ENPEP: variants seen among roughly 807,000 people sequenced by gnomAD.
ENPEP encodes glutamyl aminopeptidase.
In ENPEP, 103 loss-of-function variants were observed where a neutral mutation model predicts 114.5. The observed-to-expected ratio is 0.90, with a 90% CI of 0.77 to 1.06. ENPEP has a LOEUF of 1.06. Ranked by LOEUF, ENPEP falls within the 50% of genes least tolerant of loss-of-function variation. The pLI is 0.00. For synonymous variants in ENPEP, 420 were observed against 422.0 expected (o/e 1.00, Z 0.06); for missense variants, 1,196 against 1,161.3 (o/e 1.03, Z -0.43).
chr4:110,504,156 T>G (rs955400122), intron 3 of ENPEP, among the ~76,000 whole-genome samples: 2 of 152,084 alleles, frequency 1.3e-5, no homozygotes, highest in Non-Finnish European at 2.9e-5. Context: ...TCACCGGTCT[T>G]TTGGAACTCC....
intron 6 of ENPEP, among the ~76,000 whole-genome samples, chr4:110,511,306 G>C (rs28642829): frequency 0.035 from 5,293 of 152,112 alleles, 305 homozygotes; most frequent in African/African-American, 0.11. Flanking sequence ...TTTTGGAGTA[G>C]ATAATTCTTT....
rs191806131 is a variant in ENPEP at position 110,488,310 on chromosome 4, T to G, written c.645-231T>G. 4.6e-5 allele frequency among the ~76,000 whole-genome samples: 7 copies of G among 152,316 alleles called. No homozygotes were observed. In the East Asian group the frequency reaches 1.2e-3, roughly 25 times the overall value. ...CTGTGGTTTTTGACAAATAAATATG[T>G]GAATGAAATATCTGAAGCAATCTGA... On this transcript the variant is annotated intron_variant, in intron 1 of 19. Coordinates refer to ENST00000265162, the MANE Select transcript of ENPEP (RefSeq NM_001977.4).
intron 10 of ENPEP, among the ~76,000 whole-genome samples, chr4:110,527,271 C>T (rs1256364407): frequency 1.3e-5 from 2 of 152,182 alleles, no homozygotes; most frequent in East Asian, 1.9e-4. Flanking sequence ...GTACTCAACT[C>T]GTTGAGGCTC....
chr4:110,533,166 C>T, intron 11 of ENPEP: 1 of 401,230 alleles, frequency 2.5e-6, no homozygotes, highest in Non-Finnish European at 5.1e-6. Flanking sequence ...ATTCATCTAC[C>T]CTAGTACAAT....
intron 10 of ENPEP, among the ~76,000 whole-genome samples, chr4:110,524,039 CACAATT>C (rs1027076474): frequency 2.6e-5 from 4 of 151,896 alleles, no homozygotes; most frequent in African/African-American, 9.7e-5. Flanking sequence ...TATTTAGAGG[CACAATT>C]ACAAACTACA....
chr4:110,543,106 CT>C, intron 13 of ENPEP, 36 bp downstream of exon 13: 1 of 1,567,300 alleles, frequency 6.4e-7, no homozygotes, highest in Non-Finnish European at 8.8e-7. Context: ...ACTTAAAATA[CT>C]GTGGGTTTTC....
At chr4:110,514,668 T>C (rs746171923) in intron 7 of ENPEP, among the ~76,000 whole-genome samples, 14 of 149,516 alleles carry the variant, frequency 9.4e-5, no homozygotes, top group Non-Finnish European at 1.8e-4. Context: ...TTAGAATGCT[T>C]AATAACTTAC....
intron 3 of ENPEP, among the ~76,000 whole-genome samples, chr4:110,491,777 G>A (rs1323461115): frequency 6.9e-6 from 1 of 145,424 alleles, no homozygotes; most frequent in Non-Finnish European, 1.5e-5. Context: ...CTAGGGTGCA[G>A]TGACACGATC....
intron 1 of ENPEP, among the ~76,000 whole-genome samples, chr4:110,482,163 A>G (rs1228768107): frequency 1.3e-5 from 2 of 152,336 alleles, no homozygotes; most frequent in African/African-American, 4.8e-5. Flanking sequence ...GATATATGAA[A>G]GATATTGCAG....
chr4:110,510,087 T>C (rs1725518512), intron 5 of ENPEP, among the ~76,000 whole-genome samples, 158 bp from the exon 6 acceptor site: 1 of 152,208 alleles, frequency 6.6e-6, no homozygotes, highest in Non-Finnish European at 1.5e-5. Context: ...ATCATTTAAA[T>C]AATCAGAATA....
intron 4 of ENPEP, among the ~76,000 whole-genome samples, chr4:110,508,628 G>A (rs1578400348): frequency 6.6e-6 from 1 of 152,094 alleles, no homozygotes; most frequent in Non-Finnish European, 1.5e-5. Context: ...TGGCTAACAC[G>A]GTGAATCCCC....
At chr4:110,530,098 A>G (rs1726348987) in intron 10 of ENPEP, among the ~76,000 whole-genome samples, 1 of 152,056 alleles carries the variant, frequency 6.6e-6, no homozygotes, top group African/African-American at 2.4e-5. Flanking sequence ...AAAGAGAGAA[A>G]GGGGTCTAAG....
At chr4:110,490,946 A>G in intron 2 of ENPEP, 87 bp from the exon 3 acceptor site, 1 of 1,397,712 alleles carries the variant, frequency 7.2e-7, no homozygotes, top group Non-Finnish European at 9.6e-7. Context: ...CTAGAAAGCA[A>G]GGTTTGGGGC....
intron 1 of ENPEP, among the ~76,000 whole-genome samples, chr4:110,477,873 C>G (rs1578387221): frequency 1.3e-5 from 2 of 152,216 alleles, no homozygotes; most frequent in South Asian, 2.1e-4. Flanking sequence ...ATTTGTCTAG[C>G]CTTTGTATTG....
In ENPEP at chr4:110,530,935, G is replaced by A. The variant is rs1037551577; in HGVS notation, c.1728-263G>A. ...AATATCTTTATTCTAAAATGCCAAA[G>A]CATGTTATTGAAATAATCTTTTTCA... On this transcript the variant is annotated intron_variant, in intron 10 of 19. Transcript: ENST00000265162. Among the ~76,000 whole-genome samples the A allele has an allele frequency of 2.0e-5, 3 of 152,212 alleles. No homozygotes were observed. The East Asian group carries it at 5.8e-4, about 29-fold the overall frequency.
intron 10 of ENPEP, among the ~76,000 whole-genome samples, chr4:110,529,172 A>G (rs1217975733): frequency 1.3e-5 from 2 of 152,158 alleles, no homozygotes; most frequent in African/African-American, 2.4e-5. Flanking sequence ...GGAAACCTTA[A>G]CTGTGGGCCT....
intron 10 of ENPEP, among the ~76,000 whole-genome samples, chr4:110,522,769 T>C (rs1369489185): frequency 7.9e-5 from 12 of 152,336 alleles, no homozygotes; most frequent in Middle Eastern, 3.4e-3. Flanking sequence ...TCTAGTTCTA[T>C]ACCCAGTAAA....
At chr4:110,520,992 A>G (rs764478324) in intron 10 of ENPEP, among the ~76,000 whole-genome samples, 6 of 152,196 alleles carry the variant, frequency 3.9e-5, no homozygotes, top group Non-Finnish European at 8.8e-5. Context: ...TGACTAAAAC[A>G]GTAGAGGAGA....
intron 1 of ENPEP, among the ~76,000 whole-genome samples, chr4:110,485,531 T>C (rs1419736474): frequency 6.6e-6 from 1 of 152,150 alleles, no homozygotes; most frequent in African/African-American, 2.4e-5. Flanking sequence ...AATCAAGAAA[T>C]TTAACATTAA....
Sources: gnomAD v4.1 joint callset for allele counts (sites outside exome capture counted in the v4.1 genomes callset) on GRCh38, gnomAD v4.1.1 for gene constraint, MANE v1.5 for transcripts, NCBI Gene and HGNC (gene_info 2026-07-23, HGNC 2026-07-21) for gene names.